The following UHRF1 variants were observed in gnomAD, a reference collection of about 807,000 sequenced individuals.
UHRF1 encodes the protein ubiquitin like with PHD and ring finger domains 1.
Under a neutral mutation model 96.5 loss-of-function variants are expected in UHRF1, and 9 were observed. The observed-to-expected ratio is 0.09, with a 90% CI of 0.06 to 0.16. UHRF1 has a LOEUF of 0.16. Ranked by LOEUF, UHRF1 falls within the 10% of genes least tolerant of loss-of-function variation. The pLI is 1.00. For synonymous variants in UHRF1, 455 were observed against 469.9 expected, an observed-to-expected ratio of 0.97 and a Z score of 0.41; for missense variants, 626 against 1,131.1, an observed-to-expected ratio of 0.55 and a Z score of 6.40.
chr19:4,943,898 G>T (rs1330617759), intron 7 of UHRF1, among the ~76,000 whole-genome samples: 1 of 152,144 alleles, frequency 6.6e-6, no homozygotes, highest in African/African-American at 2.4e-5. Flanking sequence ...TGATCTGCCC[G>T]CCTCGGCCTC....
intron 15 of UHRF1, among the ~76,000 whole-genome samples, chr19:4,955,193 C>T (rs2033825616): frequency 1.3e-5 from 2 of 152,156 alleles, no homozygotes; most frequent in Admixed American, 6.5e-5. Context: ...AAGCGACTCA[C>T]ATCTCACAGC....
At chr19:4,959,452 C>A (rs1337221914) in intron 16 of UHRF1, among the ~76,000 whole-genome samples, 1 of 152,214 alleles carries the variant, frequency 6.6e-6, no homozygotes, top group Non-Finnish European at 1.5e-5. Flanking sequence ...ATGCTGCAGA[C>A]ATGTGCCCCC....
intron 15 of UHRF1, 71 bp from the exon 16 acceptor site, chr19:4,956,638 G>T (rs1453145291): frequency 3.2e-6 from 3 of 938,736 alleles, no homozygotes; most frequent in Non-Finnish European, 5.1e-6. Context: ...TACATGCTCA[G>T]CAGGAAGCCA....
At chr19:4,923,587 T>A (rs905877007) in intron 2 of UHRF1, among the ~76,000 whole-genome samples, 1 of 152,218 alleles carries the variant, frequency 6.6e-6, no homozygotes, top group African/African-American at 2.4e-5. Flanking sequence ...CTGGCAGATA[T>A]CGCTGCTGCA....
At chr19:4,935,075 G>A in intron 5 of UHRF1, among the ~76,000 whole-genome samples, 1 of 152,014 alleles carries the variant, frequency 6.6e-6, no homozygotes, top group African/African-American at 2.4e-5. Flanking sequence ...CCGGGTTCAA[G>A]GGATCCTCCT....
In UHRF1 at chr19:4,945,619, C is replaced by T. The variant is rs114716777; in HGVS notation, c.1306-242C>T. On this transcript the variant is annotated intron_variant, in intron 9 of 16. Coordinates refer to ENST00000650932, the MANE Select transcript of UHRF1 (RefSeq NM_001048201.3). Reference sequence around the variant, plus strand: ...TCGGAGATCAGCAGTGAGGATGCCCCGTGCACGCTTGATGGGGCTGGAATT... The same window carrying T: ...TCGGAGATCAGCAGTGAGGATGCCCTGTGCACGCTTGATGGGGCTGGAATT... Among the ~76,000 whole-genome samples, 189 of 151,326 alleles carry T rather than the reference C, an allele frequency of 1.2e-3. 1 individual carries two copies. Among genetic ancestry groups the T allele is most frequent in the African/African-American group, 2.1e-3 (88 of 41,276 alleles).
chr19:4,915,888 C>T (rs1039712391), intron 2 of UHRF1, among the ~76,000 whole-genome samples: 16 of 152,216 alleles, frequency 1.1e-4, no homozygotes, highest in Admixed American at 3.3e-4. Flanking sequence ...TCCTTACGTG[C>T]GCTGTGTTGG....
In UHRF1 at chr19:4,953,465, C is replaced by T. The variant is rs568981225; in HGVS notation, c.1819-885C>T. The stretch of plus-strand genomic sequence containing the variant: ...GCATCCCTACTCTTGCACTTTGGGG[C>T]CATTATTTTTATTTTTGAGACCAGG... On this transcript the variant is annotated intron_variant, in intron 13 of 16. Transcript: ENST00000650932. Among the ~76,000 whole-genome samples, 127 of 152,148 alleles carry T rather than the reference C, an allele frequency of 8.3e-4. 1 individual carries two copies. The highest frequency in any genetic ancestry group is 1.4e-3 in the Non-Finnish European group (94 of 68,006).
upstream of UHRF1, chr19:4,909,315 G>A (rs972672795): frequency 5.4e-6 from 3 of 555,502 alleles, no homozygotes; most frequent in Non-Finnish European, 9.5e-6. Context: ...CCAGCAGAGC[G>A]CGCAGGGCTG....
rs528255855 is a variant in UHRF1, at chr19:4,926,932, G to A, written c.154-2290G>A. 4.6e-5 allele frequency among the ~76,000 whole-genome samples: 7 copies of A among 152,168 alleles called. No individual in the cohort carries two copies. The East Asian group carries it at 1.2e-3, about 25-fold the overall frequency. On this transcript the variant is annotated intron_variant, in intron 2 of 16. Coordinates refer to ENST00000650932, the MANE Select transcript of UHRF1 (RefSeq NM_001048201.3). Reference sequence around the variant, plus strand: ...ACAAAAATTAGCCGGGCTTGGTGGCGGGTGCCTGTAATCCCCGCTACTTGG... The same window carrying A: ...ACAAAAATTAGCCGGGCTTGGTGGCAGGTGCCTGTAATCCCCGCTACTTGG...
rs1008372419 is a variant in UHRF1, at chr19:4,946,113, T to TCAC, written c.1410+157_1410+159dup. On this transcript the variant is annotated intron_variant, in intron 10 of 16. Transcript: ENST00000650932. ...GTATATTCCCATTGCTATGCAACCA[T>TCAC]CACCACCACCATCTCCAGAACTTTC... is the stretch of plus-strand genomic sequence containing the variant. 23 of 609,312 alleles carry TCAC rather than the reference T, an allele frequency of 3.8e-5. 1 individual carries two copies. The highest frequency in any genetic ancestry group is 6.5e-5 in the Non-Finnish European group (23 of 352,200). The allele number at this position is 609,312 out of a possible 1,614,324, so 37.7% of individuals were successfully genotyped here.
rs144848082 is a variant in UHRF1 at position 4,954,895 on chromosome 19, T to C, written c.2130+73T>C. On this transcript the variant is annotated intron_variant, in intron 15 of 16. Coordinates refer to ENST00000650932, the MANE Select transcript of UHRF1 (RefSeq NM_001048201.3). The surrounding 1 kb of genome is among the most constrained non-coding windows in gnomAD (Gnocchi z 5.9). ...TAAAATGTGTGGGGCTTGTTTCCCA[T>C]GTTCCCCATTTTCAAGTGTACAGCT... 4.3e-4 allele frequency: 675 copies of C among 1,567,992 alleles called. 6 individuals carry two copies. In the East Asian group the frequency reaches 0.014, roughly 32 times the overall value.
rs139663508 is a variant in UHRF1, at chr19:4,914,935, C to T, written c.153+3897C>T. On this transcript the variant is annotated intron_variant, in intron 2 of 16. Transcript: ENST00000650932. ...CAATCTCTTAGCACAGGGCCTGTCC[C>T]GCTCTGCACTGTGGATGTTTGGGGC... Among the ~76,000 whole-genome samples, 235 of 152,300 alleles carry T rather than the reference C, an allele frequency of 1.5e-3. 1 individual carries two copies. The highest frequency in any genetic ancestry group is 4.6e-3 in the African/African-American group (190 of 41,564).
intron 2 of UHRF1, among the ~76,000 whole-genome samples, chr19:4,915,136 A>C (rs1165147828): frequency 6.6e-6 from 1 of 152,228 alleles, no homozygotes; most frequent in African/African-American, 2.4e-5. Context: ...GCCTCAGTTG[A>C]AATGGTGGCC....
At chr19:4,928,336 G>T (rs1017328117) in intron 2 of UHRF1, among the ~76,000 whole-genome samples, 5 of 151,808 alleles carry the variant, frequency 3.3e-5, no homozygotes, top group Non-Finnish European at 5.9e-5. Flanking sequence ...AGGAGGGGGG[G>T]GTCCTAGATG....
At chr19:4,945,656 G>GA (rs1260388138) in intron 9 of UHRF1, among the ~76,000 whole-genome samples, 1 of 140,328 alleles carries the variant, frequency 7.1e-6, no homozygotes, top group Non-Finnish European at 1.5e-5. Context: ...ACGCCAGCTG[G>GA]TTTTTTTTTT....
At chr19:4,910,772 T>G (rs974116035) in intron 1 of UHRF1, 104 bp from the exon 2 acceptor site, 4 of 1,383,366 alleles carry the variant, frequency 2.9e-6, no homozygotes, top group Non-Finnish European at 3.9e-6. Flanking sequence ...GGGAGTTTCC[T>G]GGTGTCCACA....
At chr19:4,916,431 C>T (rs1000695457) in intron 2 of UHRF1, among the ~76,000 whole-genome samples, 1 of 152,136 alleles carries the variant, frequency 6.6e-6, no homozygotes, top group African/African-American at 2.4e-5. Flanking sequence ...CAAAGGCCTC[C>T]CTGTGCCCTC....
At chr19:4,935,161 T>G (rs2033179020) in intron 5 of UHRF1, among the ~76,000 whole-genome samples, 1 of 151,928 alleles carries the variant, frequency 6.6e-6, no homozygotes, top group African/African-American at 2.4e-5. Context: ...GGAGACAGAG[T>G]TTCACCATGC....
Sources: allele counts gnomAD v4.1 joint callset (sites outside exome capture counted in the v4.1 genomes callset), GRCh38; gene constraint gnomAD v4.1.1; non-coding constraint Gnocchi (gnomAD v3.1); transcripts MANE v1.5; gene names NCBI Gene and HGNC (gene_info 2026-07-23, HGNC 2026-07-21).